Variants in HNF4A observed in about 807,000 individuals in gnomAD.
HNF4A encodes the protein hepatocyte nuclear factor 4 alpha.
In HNF4A, 15 loss-of-function variants were observed where a neutral mutation model predicts 52.4. The ratio of observed to expected loss-of-function variants is 0.29; its 90% CI spans 0.19 to 0.44. HNF4A has a LOEUF of 0.44. HNF4A is among the 20% of genes least tolerant of loss of function. The pLI, the probability that HNF4A is intolerant of heterozygous loss-of-function variation, is 1.00. For synonymous variants in HNF4A, 280 were observed against 264.4 expected, an observed-to-expected ratio of 1.06 and a Z score of -0.57; for missense variants, 479 against 647.2, an observed-to-expected ratio of 0.74 and a Z score of 2.82.
rs1004254311 is a variant in HNF4A at position 44,430,022 on chromosome 20, C to T, written c.*357C>T. 3.8e-6 allele frequency: 1 copy of T among 264,712 alleles called. No homozygotes were observed. The highest frequency in any genetic ancestry group is 2.2e-5 in the African/African-American group (1 of 44,920). 16.4% of individuals were successfully genotyped at this position (264,712 alleles called of 1,614,324 possible). ...GGCCTTACTTAAACCCAGCTCCCTTCTTCCCTAGCCTGGTGCTTCTCCTCT... is the reference window on the plus strand; with the variant it reads ...GGCCTTACTTAAACCCAGCTCCCTTTTTCCCTAGCCTGGTGCTTCTCCTCT... On this transcript the variant is annotated 3_prime_UTR_variant, in exon 10 of 10. Coordinates refer to ENST00000316099, the MANE Select transcript of HNF4A (RefSeq NM_000457.6).
intron 3 of HNF4A, among the ~76,000 whole-genome samples, chr20:44,409,467 A>T (rs902097166): frequency 9.9e-5 from 15 of 152,194 alleles, no homozygotes; most frequent in South Asian, 2.1e-4. Context: ...ATGATTCCTC[A>T]TAGGTGTCAT....
chr20:44,404,969 CTG>C (rs1430618638), intron 1 of HNF4A, among the ~76,000 whole-genome samples: 1 of 9,260 alleles, frequency 1.1e-4, no homozygotes, highest in Non-Finnish European at 2.2e-4. Context: ...TGTGTGTGGA[CTG>C]TGGTGTGTAA....
chr20:44,424,738 G>C, intron 8 of HNF4A: 1 of 458,338 alleles, frequency 2.2e-6, no homozygotes, highest in South Asian at 2.7e-5. Flanking sequence ...CGGCTGAAAG[G>C]AAATGGAAGG....
chr20:44,412,139 ACTGTGAACCAGG>A (rs1271361381), intron 3 of HNF4A, among the ~76,000 whole-genome samples: 12 of 152,254 alleles, frequency 7.9e-5, no homozygotes, highest in Admixed American at 3.3e-4. Context: ...TTGAGTACCT[ACTGTGAACCAGG>A]CCCTGTTCTG....
intron 3 of HNF4A, among the ~76,000 whole-genome samples, chr20:44,410,304 C>A (rs3212192): frequency 0.09 from 13,746 of 152,188 alleles, 1,450 homozygotes; most frequent in East Asian, 0.5. Context: ...TGGCTGATGG[C>A]GAGTGAGCGT....
intron 1 of HNF4A, among the ~76,000 whole-genome samples, chr20:44,361,255 A>G (rs1241903434): frequency 6.6e-6 from 1 of 152,176 alleles, no homozygotes; most frequent in Non-Finnish European, 1.5e-5. Context: ...GTGAGTTCCA[A>G]GAGTCTGTAA....
At chr20:44,362,255 A>G (rs1481478134) in intron 1 of HNF4A, among the ~76,000 whole-genome samples, 2 of 151,946 alleles carry the variant, frequency 1.3e-5, no homozygotes, top group Admixed American at 1.3e-4. Flanking sequence ...CCCTGTCTCT[A>G]CTAAGCATAC....
rs775618492 is a variant in HNF4A at position 44,401,338 on chromosome 20, G to T, written c.-35G>T. Reference sequence around the variant, plus strand: ...GGGGCCTTCGGGGTGGGCGCCCAGGGTAGGGCAGGTGGCCGCGGCGTGGAG... The same window carrying T: ...GGGGCCTTCGGGGTGGGCGCCCAGGTTAGGGCAGGTGGCCGCGGCGTGGAG... On this transcript the variant is annotated 5_prime_UTR_variant, in exon 1 of 10. Coordinates refer to ENST00000316099, the MANE Select transcript of HNF4A (RefSeq NM_000457.6). 1 of 1,613,538 alleles carries T rather than the reference G, an allele frequency of 6.2e-7. No homozygotes were observed. Among genetic ancestry groups the T allele is most frequent in the South Asian group, 1.1e-5 (1 of 91,080 alleles).
In HNF4A at chr20:44,402,683, G is replaced by C. The variant is rs777322631; in HGVS notation, c.115+1196G>C. ...GGAGGCCCGGAAACCCCTCCTGGAG[G>C]GAAGAGCCCCATCGGTCCCAGGCCA... On this transcript the variant is annotated intron_variant, in intron 1 of 9. Coordinates refer to ENST00000316099, the MANE Select transcript of HNF4A (RefSeq NM_000457.6). The C allele has an allele frequency of 5.7e-6, 7 of 1,237,886 alleles. No individual in the cohort carries two copies. In the African/African-American group the frequency reaches 9.2e-5, roughly 16 times the overall value. The allele number at this position is 1,237,886 out of a possible 1,614,324, so 76.7% of individuals were successfully genotyped here. A position where few individuals can be genotyped will look rare whatever the true frequency, so the allele number is the denominator to read the frequency against.
intron 1 of HNF4A, among the ~76,000 whole-genome samples, chr20:44,368,990 G>A (rs1032432965): frequency 1.3e-5 from 2 of 152,058 alleles, no homozygotes; most frequent in African/African-American, 4.8e-5. Flanking sequence ...GCTCACGCCT[G>A]TAATCCCAGC....
At chr20:44,391,558 G>A (rs2063302515) in intron 1 of HNF4A, 1 of 152,244 alleles carries the variant, frequency 6.6e-6, no homozygotes, top group Non-Finnish European at 1.5e-5. Context: ...CTGGAGCCAG[G>A]TAGAGATAGT....
upstream of HNF4A, among the ~76,000 whole-genome samples, chr20:44,397,142 G>A (rs1466009207): frequency 6.6e-6 from 1 of 152,112 alleles, no homozygotes; most frequent in Non-Finnish European, 1.5e-5. Flanking sequence ...ACAGAAAGAA[G>A]CTTAATATTT....
intron 8 of HNF4A, chr20:44,424,724 C>T (rs965707610): frequency 1.7e-6 from 1 of 598,490 alleles, no homozygotes; most frequent in Non-Finnish European, 2.4e-6. Context: ...TGCTAAGACC[C>T]TAACGGCTGA....
intron 1 of HNF4A, among the ~76,000 whole-genome samples, chr20:44,371,012 G>C (rs906987382): frequency 6.6e-6 from 1 of 152,224 alleles, no homozygotes; most frequent in Admixed American, 6.5e-5. Flanking sequence ...ACGAAGGGCA[G>C]AGGAGGTGGG....
intron 1 of HNF4A, among the ~76,000 whole-genome samples, chr20:44,387,432 G>C (rs2063239505): frequency 6.6e-6 from 1 of 151,332 alleles, no homozygotes; most frequent in Non-Finnish European, 1.5e-5. Context: ...AATGAAATGA[G>C]GTTGGACACG....
rs767221741 is a variant in HNF4A, at chr20:44,418,561, G to A, written c.736+49G>A. 3.6e-6 allele frequency: 5 copies of A among 1,377,088 alleles called. No homozygotes were observed. In the African/African-American group the frequency reaches 5.7e-5, roughly 16 times the overall value. The allele number at this position is 1,377,088 out of a possible 1,614,324, so 85.3% of individuals were successfully genotyped here. A position where few individuals can be genotyped will look rare whatever the true frequency, so the allele number is the denominator to read the frequency against. ...CAGGGCTCCAGGGAGGGTATGCCTA[G>A]CATGGCACTCACCCAGGCAAGGAGA... On this transcript the variant is annotated intron_variant, in intron 6 of 9. Transcript: ENST00000316099.
intron 1 of HNF4A, among the ~76,000 whole-genome samples, chr20:44,371,987 A>G (rs1242983509): frequency 6.6e-6 from 1 of 152,160 alleles, no homozygotes; most frequent in Non-Finnish European, 1.5e-5. Context: ...CCATACGGAA[A>G]CTTATTAATG....
Position 44,407,595 on chromosome 20 carries a change from C to G in HNF4A, c.385+120C>G, listed in dbSNP as rs2063519679. On this transcript the variant is annotated intron_variant, in intron 3 of 9. Transcript: ENST00000316099. ...CAGTGGCAGGCCCCAGGGTGACTGG[C>G]TAATGGCTGAGAAGAGGGAGGGCCT... 3 of 760,100 alleles carry G rather than the reference C, an allele frequency of 3.9e-6. No homozygotes were observed. The African/African-American group carries it at 5.2e-5, about 13-fold the overall frequency. The allele number at this position is 760,100 out of a possible 1,614,324, so 47.1% of individuals were successfully genotyped here. A position where few individuals can be genotyped will look rare whatever the true frequency, so the allele number is the denominator to read the frequency against.
intron 1 of HNF4A, among the ~76,000 whole-genome samples, chr20:44,404,854 G>GT (rs1568720247): frequency 2.1e-4 from 4 of 19,236 alleles, no homozygotes; most frequent in East Asian, 2.4e-3. Flanking sequence ...GTGACTGTGT[G>GT]GTGTGTGTGC....
Sources: gnomAD v4.1 joint callset for allele counts (sites outside exome capture counted in the v4.1 genomes callset) on GRCh38, gnomAD v4.1.1 for gene constraint, MANE v1.5 for transcripts, NCBI Gene and HGNC (gene_info 2026-07-23, HGNC 2026-07-21) for gene names.